The following PTCHD4 variants were observed in gnomAD, a reference collection of about 807,000 sequenced individuals.
PTCHD4 encodes the protein patched domain-containing protein 4.
PTCHD4 carries 33 observed loss-of-function variants against 58.1 expected under a neutral mutation model. The ratio of observed to expected loss-of-function variants is 0.57; its 90% CI spans 0.43 to 0.76. The LOEUF (loss-of-function observed/expected upper bound fraction) is 0.76. Among genes scored for constraint, PTCHD4 ranks in the 30% least tolerant of loss-of-function variants. The probability of loss-of-function intolerance (pLI) is 0.00; values close to 1 mark genes in which losing one functional copy is unlikely to be tolerated. For synonymous variants in PTCHD4, 478 were observed against 409.6 expected (o/e 1.17, Z -2.02); for missense variants, 1,058 against 1,027.1 (o/e 1.03, Z -0.41).
intron 4 of PTCHD4, among the ~76,000 whole-genome samples, chr6:47,918,488 G>A (rs188034179): frequency 7.9e-5 from 12 of 151,986 alleles, no homozygotes; most frequent in African/African-American, 2.4e-4. Flanking sequence ...ATTGCTCTAT[G>A]CCATTTTCGT....
Position 48,054,214 on chromosome 6 carries a change from T to C in PTCHD4, c.417+14016A>G, listed in dbSNP as rs551142183. Among the ~76,000 whole-genome samples, 40 of 152,184 alleles carry C rather than the reference T, an allele frequency of 2.6e-4. No individual in the cohort carries two copies. In the South Asian group the frequency reaches 8.1e-3, roughly 31 times the overall value. ...TGAAGAATCATTGAACTATACCAAG[T>C]GAAAAGGAGTAAAAATTACTTAGTA... On this transcript the variant is annotated intron_variant, in intron 3 of 4. Coordinates refer to ENST00000339488, the MANE Select transcript of PTCHD4 (RefSeq NM_001384253.1).
rs1387860534 is a variant in PTCHD4 at position 47,876,052 on chromosome 6, C to A, written c.*2251G>T. Among the ~76,000 whole-genome samples, 1 of 151,450 alleles carries A rather than the reference C, an allele frequency of 6.6e-6. No homozygotes were observed. Among genetic ancestry groups the A allele is most frequent in the Admixed American group, 6.6e-5 (1 of 15,144 alleles). On this transcript the variant is annotated 3_prime_UTR_variant, in exon 5 of 5. Coordinates refer to ENST00000339488, the MANE Select transcript of PTCHD4 (RefSeq NM_001384253.1). ...TGATGGGTAATCTGTAAGAGGAATT[C>A]TCCTCCTCCCTGCACCCCCACTACA...
At chr6:48,024,499 C>T (rs1664915945) in intron 3 of PTCHD4, among the ~76,000 whole-genome samples, 1 of 152,108 alleles carries the variant, frequency 6.6e-6, no homozygotes, top group Non-Finnish European at 1.5e-5. Context: ...TAATATACTT[C>T]AAATGACCAC....
At chr6:48,025,900 C>T (rs181700382) in intron 3 of PTCHD4, among the ~76,000 whole-genome samples, 1 of 152,120 alleles carries the variant, frequency 6.6e-6, no homozygotes. Flanking sequence ...AGGGACAGGG[C>T]TACTCAATTG....
chr6:47,899,666 G>T, intron 4 of PTCHD4: 2 of 624,106 alleles, frequency 3.2e-6, no homozygotes, highest in Non-Finnish European at 4.0e-6. Flanking sequence ...GATTAAAAGT[G>T]TACAATTTAA....
chr6:47,936,965 C>A (rs1766022550), intron 4 of PTCHD4, among the ~76,000 whole-genome samples: 1 of 152,110 alleles, frequency 6.6e-6, no homozygotes, highest in South Asian at 2.1e-4. Context: ...GAGGGAACAG[C>A]TAATGTGAAG....
chr6:47,975,436 A>C (rs999978094), intron 4 of PTCHD4, among the ~76,000 whole-genome samples: 2 of 152,108 alleles, frequency 1.3e-5, no homozygotes, highest in Non-Finnish European at 2.9e-5. Context: ...TCCAGGATAC[A>C]TGTGTAGAAC....
chr6:48,028,774 C>G (rs1335548548), intron 3 of PTCHD4, among the ~76,000 whole-genome samples: 3 of 151,908 alleles, frequency 2.0e-5, no homozygotes, highest in Non-Finnish European at 4.4e-5. Flanking sequence ...GACAACTCAC[C>G]TAATCAAATA....
intron 4 of PTCHD4, among the ~76,000 whole-genome samples, chr6:47,911,489 C>T (rs375576106): frequency 1.3e-5 from 2 of 152,050 alleles, no homozygotes; most frequent in African/African-American, 4.8e-5. Flanking sequence ...TTTGAGTCAC[C>T]TACTGTGGAT....
At chr6:48,062,671 G>A (rs1764670732) in intron 3 of PTCHD4, among the ~76,000 whole-genome samples, 1 of 152,070 alleles carries the variant, frequency 6.6e-6, no homozygotes, top group African/African-American at 2.4e-5. Context: ...ATCCCAATAG[G>A]ATGGCCAGGA....
intron 1 of PTCHD4, among the ~76,000 whole-genome samples, chr6:48,077,878 G>A (rs994064852): frequency 6.6e-6 from 1 of 152,050 alleles, no homozygotes; most frequent in Non-Finnish European, 1.5e-5. Context: ...AATTACAATA[G>A]TACCATCAAA....
At chr6:48,001,830 G>C (rs559001821) in intron 4 of PTCHD4, among the ~76,000 whole-genome samples, 8 of 152,186 alleles carry the variant, frequency 5.3e-5, no homozygotes, top group African/African-American at 1.9e-4. Flanking sequence ...GCAACCTACA[G>C]AATGGAAGAA....
rs1763436211 is a variant in PTCHD4, at chr6:47,861,901, A to G, written c.*16402T>C. On this transcript the variant is annotated 3_prime_UTR_variant, in exon 5 of 5. Coordinates refer to ENST00000339488, the MANE Select transcript of PTCHD4 (RefSeq NM_001384253.1). ...GGATTAATGAATGAATGATATGGCT[A>G]GTTCATCAGGTCATTTTATTTTCCT... Among the ~76,000 whole-genome samples the G allele has an allele frequency of 6.6e-6, 1 of 151,904 alleles. No individual in the cohort carries two copies. The highest frequency in any genetic ancestry group is 1.5e-5 in the Non-Finnish European group (1 of 67,882).
intron 4 of PTCHD4, among the ~76,000 whole-genome samples, chr6:47,992,304 TAC>T (rs1359242452): frequency 6.6e-6 from 1 of 152,080 alleles, no homozygotes; most frequent in Admixed American, 6.5e-5. Context: ...CATATATATA[TAC>T]ACACACACAT....
intron 4 of PTCHD4, among the ~76,000 whole-genome samples, chr6:47,946,146 A>T (rs1057245941): frequency 6.6e-6 from 1 of 151,972 alleles, no homozygotes; most frequent in Non-Finnish European, 1.5e-5. Context: ...ATTTCCATCA[A>T]TGTTTCATTT....
chr6:47,891,198 G>A (rs1764370087), intron 4 of PTCHD4, among the ~76,000 whole-genome samples: 1 of 145,040 alleles, frequency 6.9e-6, no homozygotes, highest in African/African-American at 2.6e-5. Flanking sequence ...CTCCAGTCTG[G>A]GTGACAGAGT....
intron 4 of PTCHD4, among the ~76,000 whole-genome samples, chr6:47,912,376 T>C (rs1765097275): frequency 1.3e-5 from 2 of 151,994 alleles, no homozygotes; most frequent in Admixed American, 6.6e-5. Flanking sequence ...AAGTTCTCAG[T>C]TGGACAGGTT....
chr6:48,100,973 T>A (rs1214739259), intron 1 of PTCHD4, among the ~76,000 whole-genome samples: 1 of 151,776 alleles, frequency 6.6e-6, no homozygotes, highest in Non-Finnish European at 1.5e-5. Context: ...AATTTAAAAA[T>A]ACATAAAAAG....
At chr6:47,894,694 G>T (rs919624005) in intron 4 of PTCHD4, among the ~76,000 whole-genome samples, 1 of 152,224 alleles carries the variant, frequency 6.6e-6, no homozygotes, top group Non-Finnish European at 1.5e-5. Flanking sequence ...CATTCTTGAA[G>T]CTATCAGTAG....
Sources: allele counts gnomAD v4.1 joint callset (sites outside exome capture counted in the v4.1 genomes callset), GRCh38; gene constraint gnomAD v4.1.1; transcripts MANE v1.5; gene names NCBI Gene and HGNC (gene_info 2026-07-23, HGNC 2026-07-21).